The following ANKH variants were observed in gnomAD, a reference collection of about 807,000 sequenced individuals.
ANKH encodes the protein ANKH inorganic pyrophosphate transport regulator, also known as mineralization regulator ANKH.
In ANKH, 15 loss-of-function variants were observed where a neutral mutation model predicts 49.0. The ratio of observed to expected loss-of-function variants is 0.31; its 90% confidence interval spans 0.20 to 0.47. The LOEUF is 0.47. ANKH is among the 20% of genes least tolerant of loss of function. The pLI is 1.00. For synonymous variants in ANKH, 273 were observed against 260.0 expected (o/e 1.05, Z -0.48); for missense variants, 429 against 652.0 (o/e 0.66, Z 3.72).
intron 8 of ANKH, among the ~76,000 whole-genome samples, chr5:14,724,379 C>T (rs1485721675): frequency 6.6e-6 from 1 of 152,150 alleles, no homozygotes; most frequent in Non-Finnish European, 1.5e-5. Flanking sequence ...CAGGCCTTAA[C>T]TGTGTGTCGT....
chr5:14,744,700 T>C (rs1738474323), intron 7 of ANKH, among the ~76,000 whole-genome samples: 1 of 152,158 alleles, frequency 6.6e-6, no homozygotes, highest in South Asian at 2.1e-4. Flanking sequence ...CAGAGATGCC[T>C]GGGGGGATGC....
rs374234048 is a variant in ANKH, at chr5:14,745,988, T to C, written c.823-26A>G. ...CTGCAACAGGAAGAGGTGGCAGAGT[T>C]AGCAGGGTACCAGCAGGAAGTCCTC... On this transcript the variant is annotated intron_variant, in intron 6 of 11. Transcript: ENST00000284268. The surrounding 1 kb of genome is among the most constrained non-coding windows in gnomAD (Gnocchi z 4.7). The C allele has an allele frequency of 1.9e-6, 3 of 1,598,366 alleles. No individual in the cohort carries two copies. Among genetic ancestry groups the C allele is most frequent in the African/African-American group, 2.7e-5 (2 of 74,608 alleles).
At chr5:14,766,653 T>G (rs554252472) in intron 2 of ANKH, among the ~76,000 whole-genome samples, 1 of 152,372 alleles carries the variant, frequency 6.6e-6, no homozygotes, top group Non-Finnish European at 1.5e-5. Context: ...CAACTACTTT[T>G]GCCTGGACAA....
chr5:14,871,534 AGC>A lies in ANKH; in HGVS notation c.-89_-88del, dbSNP rs1561093322. 100 of 920,590 alleles carry A rather than the reference AGC, an allele frequency of 1.1e-4. 1 individual carries two copies. Among genetic ancestry groups the A allele is most frequent in the Non-Finnish European group, 1.5e-4 (99 of 652,906 alleles). The allele number at this position is 920,590 out of a possible 1,614,324, so 57.0% of individuals were successfully genotyped here. On this transcript the variant is annotated 5_prime_UTR_variant, in exon 1 of 12. Coordinates refer to ENST00000284268, the MANE Select transcript of ANKH (RefSeq NM_054027.6). ...CGAGGGGCGACGGGGCGACGGGGCGAGCGGGGCGCGGGCCGACAGAGGCCGCG... is the reference window on the plus strand; with the variant it reads ...CGAGGGGCGACGGGGCGACGGGGCGAGGGGCGCGGGCCGACAGAGGCCGCG...
intron 1 of ANKH, among the ~76,000 whole-genome samples, chr5:14,781,560 C>T (rs1378658800): frequency 6.6e-6 from 1 of 152,182 alleles, no homozygotes; most frequent in African/African-American, 2.4e-5. Flanking sequence ...AAGCATTTTC[C>T]TGTATGACCT....
At position 14,798,985 on chromosome 5, in the gene ANKH, G is replaced by A. The variant is rs1022225988; in HGVS notation, c.97-29794C>T. On this transcript the variant is annotated intron_variant, in intron 1 of 11. Coordinates refer to ENST00000284268, the MANE Select transcript of ANKH (RefSeq NM_054027.6). ...CAAGAAAGCTAGGCTTCCTCTATCA[G>A]TTAGCCAAGTTGTGCATGTAGAGGG... 1.3e-5 allele frequency among the ~76,000 whole-genome samples: 2 copies of A among 152,242 alleles called. 1 individual carries two copies. Among genetic ancestry groups the A allele is most frequent in the South Asian group, 4.1e-4 (2 of 4,836 alleles).
chr5:14,742,245 G>A (rs567435995), intron 7 of ANKH, among the ~76,000 whole-genome samples: 63 of 152,104 alleles, frequency 4.1e-4, no homozygotes, highest in Admixed American at 9.2e-4. Context: ...CATGCACCCC[G>A]CTCCTGGTCC....
At chr5:14,803,036 T>C in intron 1 of ANKH, among the ~76,000 whole-genome samples, 1 of 152,234 alleles carries the variant, frequency 6.6e-6, no homozygotes, top group East Asian at 1.9e-4. Context: ...GCATCTTCCA[T>C]ACCGTGAATT....
chr5:14,777,894 C>T (rs1408730873), intron 1 of ANKH, among the ~76,000 whole-genome samples: 1 of 152,190 alleles, frequency 6.6e-6, no homozygotes, highest in East Asian at 1.9e-4. Context: ...CAGAGTGGTC[C>T]CCTAGTCTGA....
chr5:14,793,007 A>AATATATATATATAAAAAT (rs1740225975), intron 1 of ANKH, among the ~76,000 whole-genome samples: 17 of 79,726 alleles, frequency 2.1e-4, no homozygotes, highest in Non-Finnish European at 3.7e-4. Context: ...TATATATATA[A>AATATATATATATAAAAAT]ATATATATAT....
intron 1 of ANKH, among the ~76,000 whole-genome samples, chr5:14,841,679 C>T (rs1413747171): frequency 4.6e-5 from 7 of 152,282 alleles, no homozygotes; most frequent in Admixed American, 3.3e-4. Flanking sequence ...CATCCATCTC[C>T]GGAACCCTTT....
In ANKH at chr5:14,734,189, C is replaced by G. The variant is rs576156321; in HGVS notation, c.1011+7638G>C. On this transcript the variant is annotated intron_variant, in intron 8 of 11. Coordinates refer to ENST00000284268, the MANE Select transcript of ANKH (RefSeq NM_054027.6). ...TCGTAAAGCAACCTTTTCTGATTACCTGCTCCACCCTGACTCATTCCGATT... is the reference window on the plus strand; with the variant it reads ...TCGTAAAGCAACCTTTTCTGATTACGTGCTCCACCCTGACTCATTCCGATT... Among the ~76,000 whole-genome samples, 10 of 152,268 alleles carry G rather than the reference C, an allele frequency of 6.6e-5. No individual in the cohort carries two copies. The South Asian group carries it at 2.1e-3, about 32-fold the overall frequency.
At chr5:14,800,585 C>T (rs2126559802) in intron 1 of ANKH, among the ~76,000 whole-genome samples, 1 of 152,310 alleles carries the variant, frequency 6.6e-6, no homozygotes, top group East Asian at 1.9e-4. Context: ...AAAATGATTA[C>T]AACTCTTTGA....
intron 1 of ANKH, chr5:14,798,485 G>GCA: frequency 1.0e-6 from 1 of 983,888 alleles, no homozygotes; most frequent in East Asian, 2.8e-5. Context: ...TGCGCACGCG[G>GCA]TCTCTATTTT....
Position 14,853,726 on chromosome 5 carries a change from G to A in ANKH, c.96+17626C>T, listed in dbSNP as rs923190280. On this transcript the variant is annotated intron_variant, in intron 1 of 11. Transcript: ENST00000284268. ...TTCGCCCAGGCTGGAGTGCAGTGGC[G>A]CGATAGAAAGGTGTATTTTAAGTGA... Among the ~76,000 whole-genome samples, 4 of 152,098 alleles carry A rather than the reference G, an allele frequency of 2.6e-5. No homozygotes were observed. In the East Asian group the frequency reaches 7.7e-4, roughly 29 times the overall value.
At chr5:14,831,722 T>G (rs1741512863) in intron 1 of ANKH, among the ~76,000 whole-genome samples, 1 of 152,148 alleles carries the variant, frequency 6.6e-6, no homozygotes, top group Admixed American at 6.6e-5. Flanking sequence ...CACCCAAAAC[T>G]TATTATCCTG....
Position 14,722,326 on chromosome 5 carries a change from A to C in ANKH, c.1012-5491T>G, listed in dbSNP as rs1239260133. 2.0e-5 allele frequency among the ~76,000 whole-genome samples: 3 copies of C among 152,162 alleles called. No homozygotes were observed. In the East Asian group the frequency reaches 5.8e-4, roughly 29 times the overall value. On this transcript the variant is annotated intron_variant, in intron 8 of 11. Transcript: ENST00000284268. ...TGCAGAGGTGGGTTTTCTGCTGTCG[A>C]GTTTGCTGTCAATATTCTGTCAGGA...
chr5:14,748,348 T>A (rs1355713741), intron 6 of ANKH, among the ~76,000 whole-genome samples: 1 of 152,220 alleles, frequency 6.6e-6, no homozygotes, highest in South Asian at 2.1e-4. Context: ...GCAGGCACTC[T>A]GGCTGGAGAC....
chr5:14,854,094 A>C (rs546365649), intron 1 of ANKH, among the ~76,000 whole-genome samples: 2 of 152,264 alleles, frequency 1.3e-5, no homozygotes, highest in Non-Finnish European at 2.9e-5. Flanking sequence ...TATTTCATTA[A>C]GGCAAATGGC....
Sources: allele counts gnomAD v4.1 joint callset (sites outside exome capture counted in the v4.1 genomes callset), GRCh38; gene constraint gnomAD v4.1.1; non-coding constraint Gnocchi (gnomAD v3.1); transcripts MANE v1.5; gene names NCBI Gene and HGNC (gene_info 2026-07-23, HGNC 2026-07-21).